PRKN: variants seen among roughly 807,000 people sequenced by gnomAD.
PRKN encodes E3 ubiquitin-protein ligase parkin.
In PRKN, 56 loss-of-function variants were observed where a neutral mutation model predicts 59.5. The observed-to-expected ratio is 0.94, with a 90% CI of 0.76 to 1.18. The LOEUF is 1.18. PRKN is among the 50% of genes most tolerant of loss of function. The pLI is 0.00. For synonymous variants in PRKN, 250 were observed against 222.1 expected, an observed-to-expected ratio of 1.13 and a Z score of -1.12; for missense variants, 657 against 596.4, an observed-to-expected ratio of 1.10 and a Z score of -1.06.
intron 1 of PRKN, among the ~76,000 whole-genome samples, chr6:162,599,846 C>A (rs1381108172): frequency 6.6e-6 from 1 of 152,084 alleles, no homozygotes; most frequent in Non-Finnish European, 1.5e-5. Flanking sequence ...AGAATATTTA[C>A]AAAGCATATA....
intron 4 of PRKN, among the ~76,000 whole-genome samples, chr6:162,144,723 T>G (rs1253877904): frequency 6.6e-6 from 1 of 152,190 alleles, no homozygotes; most frequent in Non-Finnish European, 1.5e-5. Flanking sequence ...ATTGCACCAA[T>G]TTTTAGCTTG....
Position 161,708,478 on chromosome 6 carries a change from A to C in PRKN, c.871+77294T>G, listed in dbSNP as rs200334149. On this transcript the variant is annotated intron_variant, in intron 7 of 11. Transcript: ENST00000366898. ...TGATTTCAGAAAAAAAAAAAAAAAA[A>C]GGAGAAACATTATAGAAAATTGGAG... 2.1e-4 allele frequency among the ~76,000 whole-genome samples: 31 copies of C among 148,876 alleles called. 1 individual carries two copies. In the East Asian group the frequency reaches 6.0e-3, roughly 29 times the overall value.
At chr6:162,255,112 T>C (rs769326120) in intron 3 of PRKN, among the ~76,000 whole-genome samples, 8 of 147,636 alleles carry the variant, frequency 5.4e-5, no homozygotes, top group Non-Finnish European at 1.1e-4. Context: ...TAAAATAAAA[T>C]AAAATAAAAT....
chr6:161,351,603 G>A (rs1784556218), intron 11 of PRKN, among the ~76,000 whole-genome samples: 2 of 152,188 alleles, frequency 1.3e-5, no homozygotes, highest in South Asian at 4.1e-4. Flanking sequence ...GGGATTACAG[G>A]CGTGAGCTAC....
intron 4 of PRKN, among the ~76,000 whole-genome samples, chr6:162,200,380 T>G (rs1358058203): frequency 6.6e-6 from 1 of 152,110 alleles, no homozygotes; most frequent in Non-Finnish European, 1.5e-5. Context: ...GGCCACCCAG[T>G]CTGTTTCCCA....
intron 6 of PRKN, among the ~76,000 whole-genome samples, chr6:161,837,606 T>C (rs1297631905): frequency 6.7e-6 from 1 of 149,692 alleles, no homozygotes; most frequent in African/African-American, 2.5e-5. Flanking sequence ...ATACATCAAA[T>C]CCAAACTGTT....
At chr6:162,292,140 T>C (rs1171760981) in intron 2 of PRKN, among the ~76,000 whole-genome samples, 1 of 151,900 alleles carries the variant, frequency 6.6e-6, no homozygotes, top group African/African-American at 2.4e-5. Flanking sequence ...ATTTTTGCAA[T>C]TTTAGTAGAG....
chr6:162,133,411 C>T (rs949023927), intron 4 of PRKN, among the ~76,000 whole-genome samples: 6 of 152,070 alleles, frequency 3.9e-5, no homozygotes, highest in Admixed American at 2.0e-4. Flanking sequence ...AGCAGTGGTG[C>T]TGTGCTCTGG....
chr6:161,873,122 T>C (rs1794412330), intron 6 of PRKN, among the ~76,000 whole-genome samples: 1 of 151,796 alleles, frequency 6.6e-6, no homozygotes, highest in Non-Finnish European at 1.5e-5. Context: ...CCGTTCTCAA[T>C]GAATCTGTGC....
At chr6:162,180,469 C>T (rs1365751434) in intron 4 of PRKN, among the ~76,000 whole-genome samples, 1 of 144,700 alleles carries the variant, frequency 6.9e-6, no homozygotes, top group East Asian at 2.0e-4. Context: ...GTCATCAGGT[C>T]TCGAATATAC....
intron 3 of PRKN, among the ~76,000 whole-genome samples, chr6:162,237,191 C>T (rs1217844029): frequency 2.0e-5 from 3 of 152,100 alleles, no homozygotes; most frequent in Admixed American, 6.5e-5. Context: ...TCTCTCATCA[C>T]ATCTCCTTTA....
At chr6:162,416,334 C>T (rs78964633) in intron 2 of PRKN, among the ~76,000 whole-genome samples, 10,840 of 152,262 alleles carry the variant, frequency 0.071, 543 homozygotes, top group Middle Eastern at 0.11. Context: ...AGCAGAGCAG[C>T]TTTAGCTGTC....
chr6:162,665,013 G>A (rs1482416577), intron 1 of PRKN, among the ~76,000 whole-genome samples: 1 of 152,016 alleles, frequency 6.6e-6, no homozygotes, highest in Admixed American at 6.6e-5. Context: ...CAATAAACTA[G>A]ATATCGATGG....
In PRKN at chr6:162,232,765, G is replaced by A. The variant is rs1480884970; in HGVS notation, c.412+29760C>T. Among the ~76,000 whole-genome samples the A allele has an allele frequency of 3.3e-5, 5 of 152,162 alleles. No individual in the cohort carries two copies. In the East Asian group the frequency reaches 5.8e-4, roughly 18 times the overall value. On this transcript the variant is annotated intron_variant, in intron 3 of 11. Transcript: ENST00000366898. ...TTAATCAAGTAAGAAAAAAAATCCCGCCAAGACCTCCTATGCATTTATATG... is the reference window on the plus strand; with the variant it reads ...TTAATCAAGTAAGAAAAAAAATCCCACCAAGACCTCCTATGCATTTATATG...
At chr6:161,876,376 A>C (rs745575659) in intron 6 of PRKN, among the ~76,000 whole-genome samples, 3 of 152,148 alleles carry the variant, frequency 2.0e-5, no homozygotes, top group African/African-American at 7.2e-5. Flanking sequence ...CAGTGGCACA[A>C]TGACAGCTCA....
chr6:161,528,328 A>T (rs1376250053), intron 9 of PRKN, among the ~76,000 whole-genome samples: 2 of 152,300 alleles, frequency 1.3e-5, no homozygotes, highest in Non-Finnish European at 2.9e-5. Flanking sequence ...AGCTGTGGGA[A>T]CGCAATGTGG....
At chr6:162,402,894 C>T (rs1002076027) in intron 2 of PRKN, among the ~76,000 whole-genome samples, 1 of 151,956 alleles carries the variant, frequency 6.6e-6, no homozygotes, top group Admixed American at 6.6e-5. Flanking sequence ...GCTCAAGTCT[C>T]GGGCTCCCAA....
chr6:162,588,292 T>C (rs1386129367), intron 1 of PRKN, among the ~76,000 whole-genome samples: 4 of 151,064 alleles, frequency 2.6e-5, no homozygotes, highest in Non-Finnish European at 5.9e-5. Context: ...ATTAGAGGTG[T>C]GCACCGCGGC....
rs1335006994 is a variant in PRKN, at chr6:162,472,482, A to ATTTTATTT, written c.8-29017_8-29010dup. 3.5e-5 allele frequency among the ~76,000 whole-genome samples: 3 copies of ATTTTATTT among 84,888 alleles called. 1 individual carries two copies. Among genetic ancestry groups the ATTTTATTT allele is most frequent in the African/African-American group, 1.2e-4 (3 of 24,992 alleles). The allele number at this position is 84,888 out of a possible 152,430, so 55.7% of individuals were successfully genotyped here. A position where few individuals can be genotyped will look rare whatever the true frequency, so the allele number is the denominator to read the frequency against. On this transcript the variant is annotated intron_variant, in intron 1 of 11. Transcript: ENST00000366898. ...CTTTTATTTTATTTTATTTTATTTTATTTTATTTTATTTTTTGAGACGGAG... is the reference window on the plus strand; with the variant it reads ...CTTTTATTTTATTTTATTTTATTTTATTTTATTTTTTTATTTTATTTTTTGAGACGGAG...
Sources: allele counts gnomAD v4.1 joint callset (sites outside exome capture counted in the v4.1 genomes callset), GRCh38; gene constraint gnomAD v4.1.1; transcripts MANE v1.5; gene names NCBI Gene and HGNC (gene_info 2026-07-23, HGNC 2026-07-21).